PTPRT: variants seen among roughly 807,000 people sequenced by gnomAD.
PTPRT encodes the protein protein tyrosine phosphatase receptor type T, also known as receptor-type tyrosine-protein phosphatase T.
PTPRT carries 56 observed loss-of-function variants against 176.8 expected under a neutral mutation model. The observed-to-expected ratio is 0.32, with a 90% confidence interval of 0.26 to 0.40. The LOEUF is 0.40. Ranked by LOEUF, PTPRT falls within the 10% of genes least tolerant of loss-of-function variation. PTPRT has a pLI of 1.00. For synonymous variants in PTPRT, 783 were observed against 739.0 expected (o/e 1.06, Z -0.96); for missense variants, 1,540 against 1,908.2 (o/e 0.81, Z 3.60).
chr20:42,382,710 G>A (rs541217373), intron 9 of PTPRT, among the ~76,000 whole-genome samples: 17 of 152,216 alleles, frequency 1.1e-4, no homozygotes, highest in East Asian at 5.8e-4. Flanking sequence ...ATGGTGGGGG[G>A]TGTAAGAGGA....
chr20:42,395,540 A>T (rs976007690), intron 9 of PTPRT, among the ~76,000 whole-genome samples: 3 of 152,136 alleles, frequency 2.0e-5, no homozygotes, highest in Non-Finnish European at 4.4e-5. Flanking sequence ...TTGATCAGAG[A>T]ACATCTTCAG....
intron 1 of PTPRT, among the ~76,000 whole-genome samples, chr20:43,122,974 C>T (rs1212180130): frequency 6.6e-6 from 1 of 152,150 alleles, no homozygotes; most frequent in Non-Finnish European, 1.5e-5. Flanking sequence ...CTGCCTCAGC[C>T]TCCCAAGTAA....
intron 1 of PTPRT, among the ~76,000 whole-genome samples, chr20:42,958,730 A>G (rs1427062810): frequency 6.6e-6 from 1 of 152,096 alleles, no homozygotes; most frequent in African/African-American, 2.4e-5. Context: ...ACTGCTGTTA[A>G]TAATTATACT....
intron 7 of PTPRT, among the ~76,000 whole-genome samples, chr20:42,478,371 T>G (rs1474604306): frequency 6.6e-6 from 1 of 152,124 alleles, no homozygotes; most frequent in African/African-American, 2.4e-5. Flanking sequence ...GAAGGCACGG[T>G]GGTCCTCCTC....
intron 9 of PTPRT, among the ~76,000 whole-genome samples, chr20:42,393,991 CAAAT>C (rs1452876791): frequency 6.7e-6 from 1 of 149,672 alleles, no homozygotes; most frequent in Admixed American, 6.7e-5. Context: ...TTGTCCAAAA[CAAAT>C]AAGGAGGAAG....
At chr20:42,737,304 A>C (rs2076555111) in intron 6 of PTPRT, among the ~76,000 whole-genome samples, 1 of 152,180 alleles carries the variant, frequency 6.6e-6, no homozygotes. Flanking sequence ...AAGCCAAGGA[A>C]CACCCAAAGA....
chr20:42,054,174 C>T, the PTPRT span, among the ~76,000 whole-genome samples: 1 of 152,182 alleles, frequency 6.6e-6, no homozygotes, highest in Non-Finnish European at 1.5e-5. Context: ...TGCCAGGCAA[C>T]AAGGCCCTAC....
intron 7 of PTPRT, among the ~76,000 whole-genome samples, chr20:42,626,053 T>C (rs6016852): frequency 0.23 from 34,809 of 151,896 alleles, 4,389 homozygotes; most frequent in Non-Finnish European, 0.29. Flanking sequence ...CACTTTTCGA[T>C]ATCAGCTAAC....
chr20:43,177,508 A>AC (rs35249117), intron 1 of PTPRT, among the ~76,000 whole-genome samples: 2 of 152,158 alleles, frequency 1.3e-5, no homozygotes, highest in Non-Finnish European at 2.9e-5. Context: ...GATACCAAAG[A>AC]CCCCTAGAAT....
At chr20:42,433,545 G>T (rs1395199765) in intron 9 of PTPRT, among the ~76,000 whole-genome samples, 1 of 152,136 alleles carries the variant, frequency 6.6e-6, no homozygotes, top group East Asian at 1.9e-4. Flanking sequence ...ATTGATTATT[G>T]ATGTCCATCA....
intron 7 of PTPRT, among the ~76,000 whole-genome samples, chr20:42,566,915 T>C (rs1353542670): frequency 1.3e-5 from 2 of 152,194 alleles, no homozygotes; most frequent in Non-Finnish European, 2.9e-5. Flanking sequence ...ATGGGGACTC[T>C]CTATATTATC....
Position 42,716,489 on chromosome 20 carries a change from C to A in PTPRT, c.860-38330G>T, listed in dbSNP as rs569027793. Among the ~76,000 whole-genome samples, 6 of 152,308 alleles carry A rather than the reference C, an allele frequency of 3.9e-5. No individual in the cohort carries two copies. The South Asian group carries it at 1.0e-3, about 26-fold the overall frequency. On this transcript the variant is annotated intron_variant, in intron 6 of 30. Coordinates refer to ENST00000373187, the MANE Select transcript of PTPRT (RefSeq NM_007050.6). ...CTCATTGTGGCTTTGATTTTCATTT[C>A]TCTGATGACCAGTGATGATGAGCAT...
intron 9 of PTPRT, among the ~76,000 whole-genome samples, chr20:42,363,363 T>C (rs2058467844): frequency 7.7e-6 from 1 of 129,362 alleles, no homozygotes; most frequent in Admixed American, 9.1e-5. Flanking sequence ...CAGGCTGGAG[T>C]GCAGTGGTGT....
At chr20:42,743,773 G>A (rs528256970) in intron 6 of PTPRT, among the ~76,000 whole-genome samples, 2 of 152,322 alleles carry the variant, frequency 1.3e-5, no homozygotes, top group East Asian at 1.9e-4. Flanking sequence ...GAACCTCATC[G>A]ATTACATTGG....
rs184224760 is a variant in PTPRT, at chr20:42,170,630, G to A, written c.2492-9088C>T. Reference sequence around the variant, plus strand: ...ATTTGAAAAACTTGGAAATTAAAACGCAAGGAAAGCAGAACAATACAATGT... The same window carrying A: ...ATTTGAAAAACTTGGAAATTAAAACACAAGGAAAGCAGAACAATACAATGT... On this transcript the variant is annotated intron_variant, in intron 16 of 30. Transcript: ENST00000373187. Among the ~76,000 whole-genome samples, 279 of 152,206 alleles carry A rather than the reference G, an allele frequency of 1.8e-3. 5 individuals carry two copies. Among genetic ancestry groups the A allele is most frequent in the Non-Finnish European group, 2.8e-4 (19 of 67,984 alleles).
At chr20:42,083,139 A>C (rs1424145215) in intron 29 of PTPRT, among the ~76,000 whole-genome samples, 3 of 146,574 alleles carry the variant, frequency 2.0e-5, no homozygotes, top group African/African-American at 7.5e-5. Context: ...AAAAAAAAGC[A>C]GGCTAAAAAA....
chr20:43,163,916 A>G (rs2014782936), intron 1 of PTPRT, among the ~76,000 whole-genome samples: 1 of 152,210 alleles, frequency 6.6e-6, no homozygotes, highest in Non-Finnish European at 1.5e-5. Flanking sequence ...TTGAATGTTT[A>G]AAATTTGGAC....
chr20:42,060,633 A>T, the PTPRT span, among the ~76,000 whole-genome samples: 1 of 152,376 alleles, frequency 6.6e-6, no homozygotes, highest in East Asian at 1.9e-4. Flanking sequence ...GCTGCCATCC[A>T]TGTAAGACAT....
At position 42,119,945 on chromosome 20, in the gene PTPRT, A is replaced by G; in HGVS notation, c.2874T>C (p.Ile958=). 1 of 1,609,228 alleles carries G rather than the reference A, an allele frequency of 6.2e-7. No individual in the cohort carries two copies. Among genetic ancestry groups the G allele is most frequent in the South Asian group, 1.1e-5 (1 of 90,346 alleles). The stretch of plus-strand genomic sequence containing the variant: ...AGGGAGGGCACTTACCTTGAGTCGC[A>G]ATGTAGTGCCGAGGTCGATGGTATC... ...IDGYHRPRHY[I]ATQGPMQETV... is the part of the protein sequence containing the mutation. The change falls in exon 20 of 31, where the codon ATT becomes ATC. Residue 958 remains isoleucine (I), a synonymous_variant. Transcript: ENST00000373187.
Sources: allele counts gnomAD v4.1 joint callset (sites outside exome capture counted in the v4.1 genomes callset), GRCh38; gene constraint gnomAD v4.1.1; transcripts MANE v1.5; gene names NCBI Gene and HGNC (gene_info 2026-07-23, HGNC 2026-07-21).